NRP2: variants seen among roughly 807,000 people sequenced by gnomAD.
The protein encoded by NRP2 is neuropilin 2.
NRP2 carries 52 observed loss-of-function variants against 110.4 expected under a neutral mutation model. The observed-to-expected ratio is 0.47, with a 90% CI of 0.38 to 0.59. The LOEUF (loss-of-function observed/expected upper bound fraction) is 0.59. NRP2 is among the 20% of genes least tolerant of loss of function. NRP2 has a pLI of 0.00. For missense variants in NRP2, 1,049 were observed against 1,203.0 expected, an observed-to-expected ratio of 0.87 and a Z score of 1.89; for synonymous variants, 508 against 468.9, an observed-to-expected ratio of 1.08 and a Z score of -1.08.
chr2:205,740,009 CA>C, intron 7 of NRP2: 2 of 250,440 alleles, frequency 8.0e-6, no homozygotes, highest in East Asian at 1.0e-4. Context: ...TGCCCCTCAT[CA>C]TCTTGTCCGC....
chr2:205,732,984 G>T (rs930145189), intron 7 of NRP2, among the ~76,000 whole-genome samples: 2 of 152,120 alleles, frequency 1.3e-5, no homozygotes, highest in African/African-American at 4.8e-5. Flanking sequence ...ACTGTAATGG[G>T]CACCAGCCTT....
chr2:205,700,927 A>C (rs74760301), intron 2 of NRP2: 7,381 of 333,718 alleles, frequency 0.022, 200 homozygotes, highest in East Asian at 0.08. Flanking sequence ...CAGCCAAAGG[A>C]CAAAAGGGCG....
chr2:205,785,712 C>T lies in NRP2; in HGVS notation c.2426-6523C>T, dbSNP rs537827089. ...TGCCATTGTTGGGGCTCATTGGAGA[C>T]ATTCTGGCCTCAGCTGCTCATCCGC... On this transcript the variant is annotated intron_variant, in intron 15 of 16. Transcript: ENST00000357785. 9.2e-5 allele frequency among the ~76,000 whole-genome samples: 14 copies of T among 152,332 alleles called. No individual in the cohort carries two copies. The East Asian group carries it at 1.5e-3, about 17-fold the overall frequency.
At chr2:205,755,638 G>A (rs2057721343) in intron 12 of NRP2, among the ~76,000 whole-genome samples, 2 of 151,220 alleles carry the variant, frequency 1.3e-5, no homozygotes, top group Non-Finnish European at 2.9e-5. Context: ...GGGAGGCCCT[G>A]AGGGGATTGG....
At chr2:205,722,883 G>C (rs1296303318) in intron 4 of NRP2, among the ~76,000 whole-genome samples, 175 bp downstream of exon 4, 3 of 152,242 alleles carry the variant, frequency 2.0e-5, no homozygotes, top group Admixed American at 6.5e-5. Flanking sequence ...TTACAGGAAG[G>C]CTGTCTACTT....
Position 205,723,906 on chromosome 2 carries a change from G to A in NRP2, c.786G>A (p.Ala262=), listed in dbSNP as rs141782115. The A allele has an allele frequency of 4.6e-5, 75 of 1,614,152 alleles. No individual in the cohort carries two copies. The highest frequency in any genetic ancestry group is 3.8e-4 in the South Asian group (35 of 91,078). ...CGGTGGCCAAGGATGGCTTCTCTGC[G>A]CGTTACTACCTGGTCCACCAAGAGC... The part of the protein sequence containing the change: ...DMAVAKDGFS[A]RYYLVHQEPL... Residue 262 remains alanine (A), a synonymous_variant, in exon 5 of 17, where the codon GCG becomes GCA. Coordinates refer to ENST00000357785, the MANE Select transcript of NRP2 (RefSeq NM_003872.3).
At chr2:205,697,866 A>C in intron 2 of NRP2, 145 bp downstream of exon 2, 23 of 824,966 alleles carry the variant, frequency 2.8e-5, no homozygotes, top group Non-Finnish European at 4.4e-5. Context: ...GGAAAACCTC[A>C]AGGGGCATTC....
chr2:205,735,033 T>C (rs565648036), intron 7 of NRP2, among the ~76,000 whole-genome samples: 141 of 152,244 alleles, frequency 9.3e-4, no homozygotes, highest in South Asian at 3.5e-3. Context: ...ACTGTTTTTG[T>C]ACCCCAAAGG....
intron 13 of NRP2, 65 bp downstream of exon 13, chr2:205,764,001 A>G: frequency 6.3e-7 from 1 of 1,594,568 alleles, no homozygotes; most frequent in Non-Finnish European, 8.6e-7. Context: ...GAGCCCATTC[A>G]TCGTTAGGGA....
intron 10 of NRP2, among the ~76,000 whole-genome samples, chr2:205,748,496 A>G (rs530810413): frequency 6.6e-6 from 1 of 152,340 alleles, no homozygotes; most frequent in South Asian, 2.1e-4. Flanking sequence ...ATTTACTGTG[A>G]GCAAAAGGCA....
At chr2:205,764,183 C>G (rs980223910) in intron 13 of NRP2, among the ~76,000 whole-genome samples, 1 of 152,190 alleles carries the variant, frequency 6.6e-6, no homozygotes, top group Non-Finnish European at 1.5e-5. Context: ...TTTCTCCTCT[C>G]CATTTTATTT....
At chr2:205,722,270 T>G (rs761731639) in intron 3 of NRP2, 2 of 557,250 alleles carry the variant, frequency 3.6e-6, no homozygotes, top group Non-Finnish European at 6.5e-6. Context: ...ACTCTAATAA[T>G]TATGTAGAGC....
intron 7 of NRP2, among the ~76,000 whole-genome samples, chr2:205,730,417 G>C (rs918975341): frequency 6.6e-6 from 1 of 152,176 alleles, no homozygotes; most frequent in South Asian, 2.1e-4. Context: ...CGTCCATGCC[G>C]AGTGCCACCA....
chr2:205,767,657 G>A (rs920756507), intron 15 of NRP2: 1 of 256,686 alleles, frequency 3.9e-6, no homozygotes, highest in Admixed American at 5.3e-5. Context: ...TTTACATTTT[G>A]CCCTCTTTGC....
intron 12 of NRP2, among the ~76,000 whole-genome samples, chr2:205,761,656 C>T (rs939101692): frequency 6.6e-6 from 1 of 152,154 alleles, no homozygotes; most frequent in Non-Finnish European, 1.5e-5. Context: ...AGTGGGGAAG[C>T]CAGTTTGCCT....
intron 2 of NRP2, among the ~76,000 whole-genome samples, chr2:205,711,426 G>T (rs150741497): frequency 6.6e-6 from 1 of 152,286 alleles, no homozygotes; most frequent in Admixed American, 6.5e-5. Flanking sequence ...ATCTGAAATA[G>T]GGTGGTGACA....
In NRP2 at chr2:205,763,944, G is replaced by T; in HGVS notation, c.2307+8G>T. On this transcript the variant is annotated splice_region_variant and intron_variant, in intron 13 of 16. Coordinates refer to ENST00000357785, the MANE Select transcript of NRP2 (RefSeq NM_003872.3). The surrounding 1 kb of genome is among the most constrained non-coding windows in gnomAD (Gnocchi z 4.0). ...TACGACATGGAGTACCAGGTGGGGTGAGCAAAAAGGGAATCTTGTGATCCG... is the reference window on the plus strand; with the variant it reads ...TACGACATGGAGTACCAGGTGGGGTTAGCAAAAAGGGAATCTTGTGATCCG... 6.2e-7 allele frequency: 1 copy of T among 1,613,298 alleles called. No individual in the cohort carries two copies. The highest frequency in any genetic ancestry group is 8.5e-7 in the Non-Finnish European group (1 of 1,179,740).
intron 11 of NRP2, among the ~76,000 whole-genome samples, chr2:205,750,907 A>G (rs2057632795): frequency 6.6e-6 from 1 of 152,254 alleles, no homozygotes; most frequent in East Asian, 1.9e-4. Context: ...AGGAAAGCCA[A>G]GAATAAATGC....
chr2:205,738,654 A>G (rs1210451423), intron 7 of NRP2, among the ~76,000 whole-genome samples: 2 of 152,082 alleles, frequency 1.3e-5, no homozygotes, highest in Non-Finnish European at 2.9e-5. Flanking sequence ...CTTCTCATCC[A>G]CAATCGCTAT....
Sources: allele counts gnomAD v4.1 joint callset (sites outside exome capture counted in the v4.1 genomes callset), GRCh38; gene constraint gnomAD v4.1.1; non-coding constraint Gnocchi (gnomAD v3.1); transcripts MANE v1.5; gene names NCBI Gene and HGNC (gene_info 2026-07-23, HGNC 2026-07-21).